FANCL: variants seen among roughly 807,000 people sequenced by gnomAD.
FANCL encodes the protein FA complementation group L, also known as E3 ubiquitin-protein ligase FANCL.
Under a neutral mutation model 59.4 loss-of-function variants are expected in FANCL, and 69 were observed. The observed-to-expected ratio is 1.16, with a 90% CI of 0.96 to 1.42. The LOEUF (loss-of-function observed/expected upper bound fraction) is 1.42, where lower values mean the gene tolerates loss of function less well. FANCL is among the 40% of genes most tolerant of loss of function. The pLI, the probability that FANCL is intolerant of heterozygous loss-of-function variation, is 0.00. For synonymous variants in FANCL, 180 were observed against 147.1 expected, an observed-to-expected ratio of 1.22 and a Z score of -1.62; for missense variants, 519 against 447.2, an observed-to-expected ratio of 1.16 and a Z score of -1.45.
At chr2:58,234,403 A>G (rs1693834373) in intron 1 of FANCL, among the ~76,000 whole-genome samples, 1 of 151,992 alleles carries the variant, frequency 6.6e-6, no homozygotes, top group Admixed American at 6.5e-5. Flanking sequence ...GAGTCCAAGG[A>G]AGAACAAAAT....
At chr2:58,202,399 T>A (rs1278526293) in intron 6 of FANCL, among the ~76,000 whole-genome samples, 1 of 151,402 alleles carries the variant, frequency 6.6e-6, no homozygotes, top group Admixed American at 6.6e-5. Context: ...AAAAAAAAAA[T>A]TATCACATCT....
At chr2:58,224,849 T>C (rs1389108974) in intron 4 of FANCL, among the ~76,000 whole-genome samples, 1 of 151,922 alleles carries the variant, frequency 6.6e-6, no homozygotes, top group Non-Finnish European at 1.5e-5. Flanking sequence ...CCAATTTGAA[T>C]TGTAAATATC....
At position 58,168,910 on chromosome 2, in the gene FANCL, C is replaced by T. The variant is rs543035139; in HGVS notation, c.541-3036G>A. On this transcript the variant is annotated intron_variant, in intron 7 of 13. Coordinates refer to ENST00000233741, the MANE Select transcript of FANCL (RefSeq NM_018062.4). ...GACTGCCTCACCAGATTCCTCCTCT[C>T]TGGGCAGGGCACCTCTGAAAGAACA... Among the ~76,000 whole-genome samples, 3 of 152,284 alleles carry T rather than the reference C, an allele frequency of 2.0e-5. No individual in the cohort carries two copies. In the South Asian group the frequency reaches 6.2e-4, roughly 32 times the overall value.
At chr2:58,196,274 A>G (rs958002885) in intron 7 of FANCL, among the ~76,000 whole-genome samples, 11 of 152,104 alleles carry the variant, frequency 7.2e-5, no homozygotes, top group Admixed American at 5.9e-4. Flanking sequence ...AAAGGGGGTC[A>G]GGTCTTAGCT....
intron 7 of FANCL, among the ~76,000 whole-genome samples, chr2:58,190,712 G>C (rs1234345440): frequency 6.6e-6 from 1 of 151,866 alleles, no homozygotes; most frequent in East Asian, 1.9e-4. Flanking sequence ...GCTGCTAGCT[G>C]ACAATGTTAT....
chr2:58,209,832 C>T (rs1690949540), intron 5 of FANCL, among the ~76,000 whole-genome samples: 3 of 152,056 alleles, frequency 2.0e-5, no homozygotes, highest in Admixed American at 2.0e-4. Context: ...CTCCATTTCC[C>T]CAATATGTTA....
intron 12 of FANCL, among the ~76,000 whole-genome samples, chr2:58,160,807 C>T (rs1685039989): frequency 6.6e-6 from 1 of 151,966 alleles, no homozygotes; most frequent in Non-Finnish European, 1.5e-5. Flanking sequence ...TCTCCATTGG[C>T]AAAGTACAGA....
At chr2:58,201,487 T>A (rs1690021029) in intron 6 of FANCL, among the ~76,000 whole-genome samples, 1 of 151,994 alleles carries the variant, frequency 6.6e-6, no homozygotes. Flanking sequence ...GTTCTGTGAC[T>A]AGACTACCTA....
chr2:58,238,178 CTTATCAGCTATCATTAGTGTATT>C (rs1416433811), intron 1 of FANCL, among the ~76,000 whole-genome samples: 2 of 152,058 alleles, frequency 1.3e-5, no homozygotes, highest in African/African-American at 4.8e-5. Flanking sequence ...TTTTTTTTAG[CTTATCAGCTATCATTAGTGTATT>C]TTATGTGTGC....
chr2:58,223,848 A>T (rs1692712186), intron 4 of FANCL, among the ~76,000 whole-genome samples: 1 of 151,976 alleles, frequency 6.6e-6, no homozygotes, highest in Non-Finnish European at 1.5e-5. Context: ...CATTTTCTGA[A>T]TAAGTTCAAT....
At position 58,173,938 on chromosome 2, in the gene FANCL, G is replaced by A. The variant is rs538855879; in HGVS notation, c.541-8064C>T. ...ATAGGCTCAAAATAAAAGGATGGAG[G>A]AAGATCTACCAAGCAAATGGAAAAC... is the stretch of plus-strand genomic sequence containing the variant. On this transcript the variant is annotated intron_variant, in intron 7 of 13. Coordinates refer to ENST00000233741, the MANE Select transcript of FANCL (RefSeq NM_018062.4). Among the ~76,000 whole-genome samples the A allele has an allele frequency of 2.6e-5, 4 of 152,082 alleles. No homozygotes were observed. In the South Asian group the frequency reaches 8.3e-4, roughly 32 times the overall value.
At chr2:58,159,913 T>G in intron 13 of FANCL, 113 bp from the exon 14 acceptor site, 2 of 1,542,182 alleles carry the variant, frequency 1.3e-6, no homozygotes, top group Non-Finnish European at 1.7e-6. Flanking sequence ...TGGAAAACAC[T>G]TCTGAAGTTT....
At chr2:58,168,908 C>G (rs1388189924) in intron 7 of FANCL, among the ~76,000 whole-genome samples, 2 of 152,164 alleles carry the variant, frequency 1.3e-5, no homozygotes, top group African/African-American at 4.8e-5. Flanking sequence ...GATTCCTCCT[C>G]TCTGGGCAGG....
chr2:58,205,803 T>C (rs909673374), intron 5 of FANCL, among the ~76,000 whole-genome samples: 3 of 152,072 alleles, frequency 2.0e-5, no homozygotes, highest in East Asian at 1.9e-4. Flanking sequence ...ATGACTGATA[T>C]ACTGGCAGAA....
chr2:58,161,771 A>T (rs969071666), intron 11 of FANCL, 133 bp from the exon 12 acceptor site: 2 of 661,120 alleles, frequency 3.0e-6, no homozygotes, highest in Non-Finnish European at 5.5e-6. Flanking sequence ...TAATTAAGAT[A>T]TTCATCACCT....
At chr2:58,234,801 T>C (rs1203125141) in intron 1 of FANCL, among the ~76,000 whole-genome samples, 1 of 151,978 alleles carries the variant, frequency 6.6e-6, no homozygotes, top group Non-Finnish European at 1.5e-5. Context: ...AATTAAAAAA[T>C]GAAGCAAGAA....
chr2:58,193,708 A>G (rs2105062487), intron 7 of FANCL, among the ~76,000 whole-genome samples: 1 of 152,274 alleles, frequency 6.6e-6, no homozygotes, highest in South Asian at 2.1e-4. Context: ...ATGGAAAGAA[A>G]AAGAATCCAG....
chr2:58,208,025 C>CTCTG (rs1271481112), intron 5 of FANCL, among the ~76,000 whole-genome samples: 1 of 152,200 alleles, frequency 6.6e-6, no homozygotes, highest in Non-Finnish European at 1.5e-5. Context: ...CACCACTGCA[C>CTCTG]TCTGGCCTTG....
At chr2:58,171,753 C>T (rs972666569) in intron 7 of FANCL, among the ~76,000 whole-genome samples, 6 of 152,124 alleles carry the variant, frequency 3.9e-5, no homozygotes, top group African/African-American at 1.2e-4. Context: ...AGACAGTGGG[C>T]GCAAGACAGT....
Sources: gnomAD v4.1 joint callset for allele counts (sites outside exome capture counted in the v4.1 genomes callset) on GRCh38, gnomAD v4.1.1 for gene constraint, MANE v1.5 for transcripts, NCBI Gene and HGNC (gene_info 2026-07-23, HGNC 2026-07-21) for gene names.